The following ATP13A5 variants were observed in gnomAD, a reference collection of about 807,000 sequenced individuals.
ATP13A5 encodes the protein probable cation-transporting ATPase 13A5.
ATP13A5 carries 149 observed loss-of-function variants against 150.2 expected under a neutral mutation model. That is an observed-to-expected ratio of 0.99 (90% CI 0.87 to 1.14). ATP13A5 has a LOEUF of 1.14. Among genes scored for constraint, ATP13A5 ranks in the 50% most tolerant of loss-of-function variants. The pLI is 0.00. For missense variants in ATP13A5, 1,383 were observed against 1,449.3 expected (o/e 0.95, Z 0.74); for synonymous variants, 497 against 522.2 (o/e 0.95, Z 0.66).
chr3:193,330,159 A>G (rs1711574039), intron 12 of ATP13A5, among the ~76,000 whole-genome samples: 1 of 152,096 alleles, frequency 6.6e-6, no homozygotes, highest in African/African-American at 2.4e-5. Context: ...ATTCTTTCTA[A>G]CAACCAAGGC....
intron 1 of ATP13A5, 23 bp from the exon 2 acceptor site, chr3:193,364,303 C>A (rs1713159470): frequency 1.3e-6 from 2 of 1,599,590 alleles, no homozygotes; most frequent in South Asian, 2.3e-5. Context: ...TTTAAAAGAT[C>A]GCTCTATTTT....
chr3:193,280,017 G>T (rs183200252), intron 27 of ATP13A5, among the ~76,000 whole-genome samples: 8 of 121,714 alleles, frequency 6.6e-5, no homozygotes, highest in Admixed American at 5.7e-4. Flanking sequence ...CTGTGTACCT[G>T]TGTACATAAT....
Position 193,362,113 on chromosome 3 carries a change from G to C in ATP13A5, c.536+268C>G, listed in dbSNP as rs748880707. ...AATGACTCAAGATTTTTTTAAGAAA[G>C]GAAAAATAAAAAAACAACACAAAGA... On this transcript the variant is annotated intron_variant, in intron 5 of 29. Coordinates refer to ENST00000342358, the MANE Select transcript of ATP13A5 (RefSeq NM_198505.4). Among the ~76,000 whole-genome samples, 53 of 151,708 alleles carry C rather than the reference G, an allele frequency of 3.5e-4. 1 individual carries two copies. Among genetic ancestry groups the C allele is most frequent in the Non-Finnish European group, 2.4e-4 (16 of 67,916 alleles).
rs148392229 is a variant in ATP13A5 at position 193,342,376 on chromosome 3, G to T, written c.943+1551C>A. Reference sequence around the variant, plus strand: ...TCCACAAATATGTACATGAGTGGGAGGATCTATGTAGGCTGTGCAATAAAG... The same window carrying T: ...TCCACAAATATGTACATGAGTGGGATGATCTATGTAGGCTGTGCAATAAAG... On this transcript the variant is annotated intron_variant, in intron 9 of 29. Transcript: ENST00000342358. 1.7e-3 allele frequency among the ~76,000 whole-genome samples: 252 copies of T among 152,268 alleles called. 1 individual carries two copies. The highest frequency in any genetic ancestry group is 5.6e-3 in the African/African-American group (231 of 41,558).
intron 9 of ATP13A5, among the ~76,000 whole-genome samples, chr3:193,335,945 A>C (rs1217358619): frequency 1.3e-5 from 2 of 152,198 alleles, no homozygotes; most frequent in African/African-American, 4.8e-5. Context: ...AGAGTTCAAA[A>C]AGGATACATT....
At chr3:193,343,026 T>G (rs183334592) in intron 9 of ATP13A5, among the ~76,000 whole-genome samples, 3 of 152,338 alleles carry the variant, frequency 2.0e-5, no homozygotes, top group Admixed American at 1.3e-4. Flanking sequence ...TACATTTTCT[T>G]GTCTCAATTT....
chr3:193,358,489 A>C (rs1306243595), intron 5 of ATP13A5, among the ~76,000 whole-genome samples: 1 of 152,204 alleles, frequency 6.6e-6, no homozygotes, highest in Non-Finnish European at 1.5e-5. Flanking sequence ...GTATATTTTG[A>C]GAAATTGCTT....
rs2108872378 is a variant in ATP13A5, at chr3:193,331,304, G to A, written c.1280C>T (p.Pro427Leu). The change falls in exon 12 of 30, where the codon CCA (proline) becomes CTA (leucine). Residue 427 changes from proline to leucine, a missense_variant. By Grantham distance (98) the Pro-to-Leu change is moderately conservative. This residue lies in a region of ATP13A5 where 787 missense variants were observed against 771.9 expected (regional missense o/e 1.02). Transcript: ENST00000342358. ...CAGGGCCATGGTCACAGTATCTTTTGGAGGAACCTGGGAGAGGACAGACAT... is the reference window on the plus strand; with the variant it reads ...CAGGGCCATGGTCACAGTATCTTTTAGAGGAACCTGGGAGAGGACAGACAT... The part of the protein sequence containing the change: ...LGVYMYHGVP[P>L]KDTVTMALIL... 1 of 1,612,636 alleles carries A rather than the reference G, an allele frequency of 6.2e-7. No homozygotes were observed. The highest frequency in any genetic ancestry group is 1.3e-5 in the African/African-American group (1 of 74,952).
chr3:193,314,320 T>C, intron 18 of ATP13A5, 127 bp from the exon 19 acceptor site: 2 of 1,028,400 alleles, frequency 1.9e-6, no homozygotes, highest in East Asian at 4.9e-5. Flanking sequence ...CCTTATTTTA[T>C]CTTCCTCTCT....
intron 5 of ATP13A5, among the ~76,000 whole-genome samples, chr3:193,358,437 C>T (rs1468951563): frequency 4.6e-5 from 7 of 152,150 alleles, no homozygotes; most frequent in Admixed American, 4.6e-4. Flanking sequence ...GAGTGCTGGC[C>T]TTCGAGCCCT....
At chr3:193,352,610 G>A (rs1371272047) in intron 6 of ATP13A5, among the ~76,000 whole-genome samples, 1 of 151,986 alleles carries the variant, frequency 6.6e-6, no homozygotes, top group Non-Finnish European at 1.5e-5. Context: ...AAACGTACTT[G>A]ACGTTTAAAA....
At chr3:193,366,937 T>G (rs981856600) in intron 1 of ATP13A5, among the ~76,000 whole-genome samples, 1 of 151,992 alleles carries the variant, frequency 6.6e-6, no homozygotes, top group African/African-American at 2.4e-5. Flanking sequence ...CAACATATTT[T>G]GAAATAACAC....
At chr3:193,376,466 C>A (rs1477478535) in intron 1 of ATP13A5, among the ~76,000 whole-genome samples, 1 of 152,190 alleles carries the variant, frequency 6.6e-6, no homozygotes, top group Non-Finnish European at 1.5e-5. Flanking sequence ...CCCACCTTAG[C>A]CTCCCAAAGT....
intron 19 of ATP13A5, 82 bp from the exon 20 acceptor site, chr3:193,312,023 T>C (rs1718871487): frequency 1.7e-5 from 26 of 1,540,788 alleles, no homozygotes; most frequent in Non-Finnish European, 2.2e-5. Context: ...GGAAGAGTTT[T>C]CATGTTGCCT....
Position 193,344,017 on chromosome 3 carries a change from C to T in ATP13A5, c.853G>A (p.Asp285Asn). The change falls in exon 9 of 30, where the codon GAC becomes AAC. Residue 285 changes from aspartate to asparagine, a missense_variant. By Grantham distance (23) the Asp-to-Asn change is conservative (BLOSUM62 1). Coordinates refer to ENST00000342358, the MANE Select transcript of ATP13A5 (RefSeq NM_198505.4). ...ELESRLLVPG[D>N]ILILPGKFSL... ...AATTTTCCTGGAAGAATAAGAATGT[C>T]TCCGGGAACCAAGAGACGGGATTCC... is the stretch of plus-strand genomic sequence containing the variant. 6.2e-7 allele frequency: 1 copy of T among 1,613,380 alleles called. No homozygotes were observed. Among genetic ancestry groups the T allele is most frequent in the Non-Finnish European group, 8.5e-7 (1 of 1,179,572 alleles).
intron 25 of ATP13A5, among the ~76,000 whole-genome samples, chr3:193,294,329 A>G (rs1718080170): frequency 6.6e-6 from 1 of 150,908 alleles, no homozygotes; most frequent in Non-Finnish European, 1.5e-5. Context: ...TCTTAAACAA[A>G]CCCTCCCTCT....
intron 1 of ATP13A5, among the ~76,000 whole-genome samples, chr3:193,369,619 C>A (rs200975671): frequency 1.3e-5 from 2 of 151,986 alleles, no homozygotes; most frequent in African/African-American, 4.8e-5. Context: ...GAGCCAGGAA[C>A]ATGTTTGTAC....
intron 27 of ATP13A5, among the ~76,000 whole-genome samples, chr3:193,281,950 C>T (rs983759681): frequency 2.6e-5 from 4 of 152,038 alleles, no homozygotes; most frequent in African/African-American, 4.8e-5. Context: ...AATCCCAGCA[C>T]TTTGGGAGGC....
chr3:193,343,999 C>T lies in ATP13A5; in HGVS notation c.871G>A (p.Gly291Arg), dbSNP rs1230242660. The stretch of plus-strand genomic sequence containing the variant: ...GCATCACATGGCAATGAAAATTTTC[C>T]TGGAAGAATAAGAATGTCTCCGGGA... ...LVPGDILILP[G>R]KFSLPCDAVL... is the part of the protein sequence containing the mutation. The change falls in exon 9 of 30, where the codon GGA (glycine) becomes AGA (arginine). Residue 291 changes from glycine to arginine, a missense_variant. Gly to Arg is a moderately radical substitution (Grantham distance 125). Transcript: ENST00000342358. 6.2e-7 allele frequency: 1 copy of T among 1,613,312 alleles called. No individual in the cohort carries two copies. Among genetic ancestry groups the T allele is most frequent in the Non-Finnish European group, 8.5e-7 (1 of 1,179,608 alleles).
Sources: allele counts gnomAD v4.1 joint callset (sites outside exome capture counted in the v4.1 genomes callset), GRCh38; gene constraint gnomAD v4.1.1; regional missense constraint gnomAD v4.1.1; transcripts MANE v1.5; gene names NCBI Gene and HGNC (gene_info 2026-07-23, HGNC 2026-07-21).